The following GPSM2 variants were observed in gnomAD, a reference collection of about 807,000 sequenced individuals.
The protein encoded by GPSM2 is G protein-signaling modulator 2.
A neutral mutation model predicts 78.4 loss-of-function variants in GPSM2; 58 were observed. The ratio of observed to expected loss-of-function variants is 0.74; its 90% CI spans 0.60 to 0.92. The LOEUF is 0.92. GPSM2 is among the 40% of genes least tolerant of loss of function. The pLI is 0.00. For synonymous variants in GPSM2, 224 were observed against 280.2 expected (o/e 0.80, Z 2.00); for missense variants, 700 against 815.5 (o/e 0.86, Z 1.73).
At chr1:108,912,261 G>T (rs980878649) in intron 10 of GPSM2, among the ~76,000 whole-genome samples, 7 of 152,102 alleles carry the variant, frequency 4.6e-5, no homozygotes, top group Non-Finnish European at 8.8e-5. Context: ...ACATTCCTAA[G>T]AATATGAAAA....
rs200614129 is a variant in GPSM2 at position 108,900,147 on chromosome 1, T to C, written c.797+1153T>C. 3.3e-5 allele frequency among the ~76,000 whole-genome samples: 5 copies of C among 152,116 alleles called. No individual in the cohort carries two copies. The East Asian group carries it at 9.6e-4, about 29-fold the overall frequency. On this transcript the variant is annotated intron_variant, in intron 7 of 14. Transcript: ENST00000264126. ...ATATAAAGTAATGAAACTTAGTTTT[T>C]TTCCTCCCAATAAGCAGGCTAGAAC...
Position 108,918,730 on chromosome 1 carries a change from A to G in GPSM2, c.1381A>G (p.Thr461Ala). 2 of 1,613,706 alleles carry G rather than the reference A, an allele frequency of 1.2e-6. No homozygotes were observed. The highest frequency in any genetic ancestry group is 2.2e-5 in the East Asian group (1 of 44,844). The change falls in exon 12 of 15, where the codon ACT becomes GCT. Residue 461 changes from threonine (T) to alanine (A), a missense_variant. Transcript: ENST00000264126. ...KGKKYKTNSS[T>A]KVLQDASNSI... is the part of the protein sequence containing the mutation. ...GAAAAAATACAAAACGAATTCCTCCACTAAAGTTCTCCAAGATGCCAGTAA... is the reference window on the plus strand; with the variant it reads ...GAAAAAATACAAAACGAATTCCTCCGCTAAAGTTCTCCAAGATGCCAGTAA...
intron 2 of GPSM2, among the ~76,000 whole-genome samples, chr1:108,896,211 T>C (rs925332626): frequency 1.3e-5 from 2 of 152,220 alleles, no homozygotes; most frequent in Non-Finnish European, 2.9e-5. Flanking sequence ...TTAGTATTTC[T>C]GCAAATTTTT....
intron 10 of GPSM2, among the ~76,000 whole-genome samples, chr1:108,908,740 C>CACACACACACACACACACACACACA (rs1553213496): frequency 4.6e-5 from 7 of 151,936 alleles, no homozygotes; most frequent in African/African-American, 1.2e-4. Context: ...CACACACACG[C>CACACACACACACACACACACACACA]CGGGGCAGTG....
At position 108,931,925 on chromosome 1, in the gene GPSM2, A is replaced by T. The variant is rs1197938051; in HGVS notation, c.*1985A>T. On this transcript the variant is annotated 3_prime_UTR_variant, in exon 15 of 15. Transcript: ENST00000264126. ...GCCTGTAAACATTCAACATTATTCC[A>T]TTTAAACATTGTTTTTAACAGCTGT... 6.4e-6 allele frequency: 1 copy of T among 155,248 alleles called. No homozygotes were observed. Among genetic ancestry groups the T allele is most frequent in the Non-Finnish European group, 1.4e-5 (1 of 70,172 alleles). The allele number at this position is 155,248 out of a possible 1,614,324, so 9.6% of individuals were successfully genotyped here.
chr1:108,886,014 C>T (rs1647520505), intron 2 of GPSM2, among the ~76,000 whole-genome samples: 3 of 151,098 alleles, frequency 2.0e-5, no homozygotes, highest in South Asian at 2.1e-4. Context: ...TGTTTTGATT[C>T]CCTTCTCATT....
In GPSM2 at chr1:108,924,156, T is replaced by C. The variant is rs2101549577; in HGVS notation, c.1757T>C (p.Met586Thr). 1 of 1,613,986 alleles carries C rather than the reference T, an allele frequency of 6.2e-7. No individual in the cohort carries two copies. The highest frequency in any genetic ancestry group is 8.5e-7 in the Non-Finnish European group (1 of 1,179,858). ...AGCCAGTCGGTACTTAGCCACCTGATGACTAATGACAACAAAGAGGCTGAT... is the reference window on the plus strand; with the variant it reads ...AGCCAGTCGGTACTTAGCCACCTGACGACTAATGACAACAAAGAGGCTGAT... ...QNSQSVLSHL[M>T]TNDNKEADED... Residue 586 changes from methionine (M) to threonine (T), a missense_variant, in exon 14 of 15, where the codon ATG becomes ACG. Transcript: ENST00000264126.
chr1:108,888,747 A>T (rs1647754835), intron 2 of GPSM2, among the ~76,000 whole-genome samples: 1 of 152,230 alleles, frequency 6.6e-6, no homozygotes, highest in South Asian at 2.1e-4. Flanking sequence ...ACCAAATTTT[A>T]GATGTCTTAA....
chr1:108,932,642 G>A lies in GPSM2; in HGVS notation c.*2702G>A, dbSNP rs1407603924. ...CCTGGGGCATTCACTACTTTTCAGAGTCAGATCACAGTTCAAAAGACAGCT... is the reference window on the plus strand; with the variant it reads ...CCTGGGGCATTCACTACTTTTCAGAATCAGATCACAGTTCAAAAGACAGCT... On this transcript the variant is annotated 3_prime_UTR_variant, in exon 15 of 15. Transcript: ENST00000264126. The A allele has an allele frequency of 6.6e-6, 1 of 152,212 alleles. No individual in the cohort carries two copies. Among genetic ancestry groups the A allele is most frequent in the African/African-American group, 2.4e-5 (1 of 41,462 alleles). The allele number at this position is 152,212 out of a possible 1,614,324, so 9.4% of individuals were successfully genotyped here. A position where few individuals can be genotyped will look rare whatever the true frequency, so the allele number is the denominator to read the frequency against.
In GPSM2 at chr1:108,891,013, A is replaced by G. The variant is rs761320472; in HGVS notation, c.56+5435A>G. On this transcript the variant is annotated intron_variant, in intron 2 of 14. Coordinates refer to ENST00000264126, the MANE Select transcript of GPSM2 (RefSeq NM_013296.5). ...CTAAGGTATTTACAAATTAAATCAT[A>G]TGCTTTCCGGAATGTACTTCAGACC... is the stretch of plus-strand genomic sequence containing the variant. Among the ~76,000 whole-genome samples the G allele has an allele frequency of 3.3e-5, 5 of 152,184 alleles. No homozygotes were observed. In the East Asian group the frequency reaches 5.8e-4, roughly 18 times the overall value.
intron 3 of GPSM2, among the ~76,000 whole-genome samples, 170 bp downstream of exon 3, chr1:108,897,255 T>C (rs570998560): frequency 2.0e-5 from 3 of 152,334 alleles, no homozygotes; most frequent in Admixed American, 2.0e-4. Context: ...ATTGAATGAA[T>C]AGTAGTGAAT....
chr1:108,900,128 A>T (rs890188493), intron 7 of GPSM2, among the ~76,000 whole-genome samples: 2 of 152,214 alleles, frequency 1.3e-5, no homozygotes, highest in Non-Finnish European at 2.9e-5. Flanking sequence ...ATGAATATAA[A>T]GTAATGAAAC....
Position 108,913,500 on chromosome 1 carries a change from G to C in GPSM2, c.1193-838G>C, listed in dbSNP as rs796205064. Among the ~76,000 whole-genome samples the C allele has an allele frequency of 5.9e-5, 9 of 152,230 alleles. 1 individual carries two copies. Among genetic ancestry groups the C allele is most frequent in the African/African-American group, 2.2e-4 (9 of 41,544 alleles). On this transcript the variant is annotated intron_variant, in intron 10 of 14. Transcript: ENST00000264126. ...CACAAACATAAGGTTTCTCAAAGAT[G>C]GTTGCAGAATACATACAGTATGATA...
rs571999714 is a variant in GPSM2, at chr1:108,933,129, G to A, written c.*3189G>A. 6.6e-6 allele frequency: 1 copy of A among 151,372 alleles called. No homozygotes were observed. The highest frequency in any genetic ancestry group is 1.9e-4 in the East Asian group (1 of 5,150). 9.4% of individuals were successfully genotyped at this position (151,372 alleles called of 1,614,324 possible). On this transcript the variant is annotated 3_prime_UTR_variant, in exon 15 of 15. Coordinates refer to ENST00000264126, the MANE Select transcript of GPSM2 (RefSeq NM_013296.5). ...ACCTTCCAAAGTGCTAGGACTGTAG[G>A]CATGAGCCACTGCACCTGGCCTAAA...
chr1:108,882,398 T>C (rs1304653316), intron 1 of GPSM2, among the ~76,000 whole-genome samples: 2 of 152,242 alleles, frequency 1.3e-5, no homozygotes, highest in African/African-American at 4.8e-5. Context: ...CCACAAACTT[T>C]TAATCCTCTC....
intron 1 of GPSM2, among the ~76,000 whole-genome samples, chr1:108,879,249 C>T (rs543085919): frequency 1.1e-4 from 17 of 152,086 alleles, no homozygotes; most frequent in Non-Finnish European, 2.4e-4. Flanking sequence ...TATTACAGTC[C>T]GGTTTTCTCA....
chr1:108,917,653 T>TATATATATATAG, intron 11 of GPSM2, among the ~76,000 whole-genome samples: 1 of 49,280 alleles, frequency 2.0e-5, no homozygotes. Flanking sequence ...TATATATATA[T>TATATATATATAG]ATATATATAT....
intron 2 of GPSM2, among the ~76,000 whole-genome samples, chr1:108,894,771 C>T (rs577841589): frequency 4.7e-4 from 72 of 152,110 alleles, no homozygotes; most frequent in African/African-American, 1.7e-3. Context: ...AAAAAGATAC[C>T]TAGATAGAAA....
At position 108,897,474 on chromosome 1, in the gene GPSM2, G is replaced by GT; in HGVS notation, c.279-12dup. The GT allele has an allele frequency of 6.3e-7, 1 of 1,591,622 alleles. No homozygotes were observed. Among genetic ancestry groups the GT allele is most frequent in the Non-Finnish European group, 8.6e-7 (1 of 1,168,280 alleles). Reference sequence around the variant, plus strand: ...AATACCATTTGGTTTTTTGTTTTTTGTTTTTTGTTTTTTTCAGGACTATTG... The same window carrying GT: ...AATACCATTTGGTTTTTTGTTTTTTGTTTTTTTGTTTTTTTCAGGACTATTG... On this transcript the variant is annotated splice_polypyrimidine_tract_variant and intron_variant, in intron 3 of 14. Coordinates refer to ENST00000264126, the MANE Select transcript of GPSM2 (RefSeq NM_013296.5).
Sources: gnomAD v4.1 joint callset for allele counts (sites outside exome capture counted in the v4.1 genomes callset) on GRCh38, gnomAD v4.1.1 for gene constraint, MANE v1.5 for transcripts, NCBI Gene and HGNC (gene_info 2026-07-23, HGNC 2026-07-21) for gene names.